Variants in CRACR2A observed in about 807,000 individuals in gnomAD.
The protein encoded by CRACR2A is EF-hand calcium-binding domain-containing protein 4B.
A neutral mutation model predicts 90.5 loss-of-function variants in CRACR2A; 79 were observed. The ratio of observed to expected loss-of-function variants is 0.87; its 90% CI spans 0.73 to 1.05. The LOEUF (loss-of-function observed/expected upper bound fraction) is 1.05. Among genes scored for constraint, CRACR2A ranks in the 50% least tolerant of loss-of-function variants. The pLI is 0.00. For missense variants in CRACR2A, 823 were observed against 897.2 expected, an observed-to-expected ratio of 0.92 and a Z score of 1.06; for synonymous variants, 338 against 356.7, an observed-to-expected ratio of 0.95 and a Z score of 0.59.
At chr12:3,643,104 T>C (rs1944603644) in intron 12 of CRACR2A, among the ~76,000 whole-genome samples, 1 of 152,174 alleles carries the variant, frequency 6.6e-6, no homozygotes, top group Non-Finnish European at 1.5e-5. Context: ...TAAAATAAAT[T>C]CAGTGTTACT....
Position 3,633,235 on chromosome 12 carries a change from C to T in CRACR2A, c.1735+369G>A, listed in dbSNP as rs1225058298. Among the ~76,000 whole-genome samples, 1 of 151,662 alleles carries T rather than the reference C, an allele frequency of 6.6e-6. No individual in the cohort carries two copies. Among genetic ancestry groups the T allele is most frequent in the Non-Finnish European group, 1.5e-5 (1 of 67,892 alleles). Reference sequence around the variant, plus strand: ...GGAGTCCTGGTCAGTTCAGGGGGAGCAGGAAGACCCAGGACCCTGCTGACA... The same window carrying T: ...GGAGTCCTGGTCAGTTCAGGGGGAGTAGGAAGACCCAGGACCCTGCTGACA... On this transcript the variant is annotated intron_variant, in intron 15 of 19. Coordinates refer to ENST00000440314, the MANE Select transcript of CRACR2A (RefSeq NM_001144958.2). The surrounding 1 kb of genome is among the most constrained non-coding windows in gnomAD (Gnocchi z 4.5).
intron 4 of CRACR2A, among the ~76,000 whole-genome samples, chr12:3,695,237 C>G (rs1267519924): frequency 6.6e-6 from 1 of 152,146 alleles, no homozygotes; most frequent in Non-Finnish European, 1.5e-5. Flanking sequence ...TAACACCAAC[C>G]ACCGCTACTG....
chr12:3,740,441 C>T (rs1946506987), intron 1 of CRACR2A, among the ~76,000 whole-genome samples: 3 of 152,068 alleles, frequency 2.0e-5, no homozygotes, highest in Non-Finnish European at 4.4e-5. Flanking sequence ...CCTGGGGTGG[C>T]GTCCTTACTC....
intron 17 of CRACR2A, among the ~76,000 whole-genome samples, chr12:3,625,923 G>A (rs961189884): frequency 6.6e-6 from 1 of 152,096 alleles, no homozygotes; most frequent in Non-Finnish European, 1.5e-5. Context: ...GTAAAAAAAA[G>A]AACAGAAGAG....
rs117492949 is a variant in CRACR2A at position 3,638,306 on chromosome 12, C to T, written c.1420G>A (p.Val474Ile). 6.5e-4 allele frequency: 1,012 copies of T among 1,551,606 alleles called. 3 individuals are homozygous for T. Among genetic ancestry groups the T allele is most frequent in the East Asian group, 4.6e-3 (189 of 40,908 alleles). The change falls in exon 14 of 20, where the codon GTT (valine) becomes ATT (isoleucine). Residue 474 changes from valine to isoleucine, a missense_variant. By Grantham distance (29) the Val-to-Ile change is conservative (BLOSUM62 3). Transcript: ENST00000440314. ...AGCTGGGGCAGGGGGTCTTCTTCAA[C>T]GGAGATGATTCTGCGGAGCGGCCGG... ...YPRPLRRIIS[V>I]EEDPLPQLLD...
intron 10 of CRACR2A, among the ~76,000 whole-genome samples, chr12:3,651,038 T>C (rs766754411): frequency 2.0e-5 from 3 of 152,136 alleles, no homozygotes; most frequent in Non-Finnish European, 4.4e-5. Flanking sequence ...AACCTAGAGG[T>C]TCTAAAAGTG....
intron 4 of CRACR2A, among the ~76,000 whole-genome samples, chr12:3,696,515 A>G (rs922753971): frequency 1.3e-5 from 2 of 152,312 alleles, no homozygotes; most frequent in Admixed American, 6.5e-5. Context: ...CGTTACTGTT[A>G]TCATTTCCCA....
rs546114875 is a variant in CRACR2A, at chr12:3,700,904, T to C, written c.-36-3869A>G. Among the ~76,000 whole-genome samples, 23 of 152,348 alleles carry C rather than the reference T, an allele frequency of 1.5e-4. No homozygotes were observed. The South Asian group carries it at 2.7e-3, about 18-fold the overall frequency. On this transcript the variant is annotated intron_variant, in intron 3 of 19. Transcript: ENST00000440314. ...AACACTCCACCCAATGACAGCTAAA[T>C]ATACTTTTCAAATACACATGGAATA...
intron 2 of CRACR2A, among the ~76,000 whole-genome samples, chr12:3,723,444 T>C (rs1375009843): frequency 6.6e-6 from 1 of 152,080 alleles, no homozygotes; most frequent in Non-Finnish European, 1.5e-5. Flanking sequence ...AGGAGGTCAG[T>C]GGTGGGGGGT....
At chr12:3,748,437 T>A (rs755150767) in intron 1 of CRACR2A, among the ~76,000 whole-genome samples, 2 of 152,138 alleles carry the variant, frequency 1.3e-5, no homozygotes, top group South Asian at 4.1e-4. Flanking sequence ...GGGAAGAAAG[T>A]GTCCCGCTGG....
At chr12:3,678,397 G>A (rs775954612) in intron 6 of CRACR2A, among the ~76,000 whole-genome samples, 2 of 152,162 alleles carry the variant, frequency 1.3e-5, no homozygotes, top group Non-Finnish European at 2.9e-5. Context: ...GGTTTGCCGA[G>A]GATACCGTGT....
At chr12:3,745,909 G>T (rs1279465982) in intron 1 of CRACR2A, among the ~76,000 whole-genome samples, 1 of 151,894 alleles carries the variant, frequency 6.6e-6, no homozygotes, top group Non-Finnish European at 1.5e-5. Context: ...ACAAAACCTG[G>T]CTGAAGGCAG....
chr12:3,733,970 C>CTTATTTT (rs1946401128), intron 1 of CRACR2A, among the ~76,000 whole-genome samples: 1 of 55,612 alleles, frequency 1.8e-5, no homozygotes, highest in Admixed American at 2.3e-4. Context: ...CACATTTTGC[C>CTTATTTT]TTATTTTTTT....
intron 4 of CRACR2A, among the ~76,000 whole-genome samples, chr12:3,691,132 G>A (rs568599587): frequency 2.0e-5 from 3 of 152,186 alleles, no homozygotes; most frequent in Admixed American, 2.0e-4. Context: ...TTTTAATTGG[G>A]GGCATTTAGC....
intron 4 of CRACR2A, among the ~76,000 whole-genome samples, chr12:3,683,213 C>G (rs1294803835): frequency 1.3e-5 from 2 of 152,208 alleles, no homozygotes; most frequent in African/African-American, 4.8e-5. Context: ...GGGAAAAGAA[C>G]TGATTTTCCA....
intron 15 of CRACR2A, among the ~76,000 whole-genome samples, chr12:3,629,363 A>T (rs1944336962): frequency 6.6e-6 from 1 of 152,172 alleles, no homozygotes; most frequent in Admixed American, 6.5e-5. Flanking sequence ...AGCAAAACAG[A>T]TTACAGTGGC....
intron 2 of CRACR2A, among the ~76,000 whole-genome samples, chr12:3,715,952 G>A (rs993754115): frequency 6.6e-6 from 1 of 152,140 alleles, no homozygotes; most frequent in Non-Finnish European, 1.5e-5. Context: ...TACAGTGGAT[G>A]CCTGATGATT....
intron 13 of CRACR2A, among the ~76,000 whole-genome samples, chr12:3,639,668 A>C (rs1269874402): frequency 6.6e-6 from 1 of 152,200 alleles, no homozygotes; most frequent in Non-Finnish European, 1.5e-5. Context: ...GAAAAAGAAA[A>C]AAAAATGCAG....
chr12:3,664,767 G>A (rs1266867776), intron 7 of CRACR2A, among the ~76,000 whole-genome samples: 3 of 152,326 alleles, frequency 2.0e-5, no homozygotes, highest in Non-Finnish European at 4.4e-5. Flanking sequence ...AGCACTTTGA[G>A]AGGCCAAGGT....
Sources: gnomAD v4.1 joint callset for allele counts (sites outside exome capture counted in the v4.1 genomes callset) on GRCh38, gnomAD v4.1.1 for gene constraint, Gnocchi (gnomAD v3.1) non-coding constraint, MANE v1.5 for transcripts, NCBI Gene and HGNC (gene_info 2026-07-23, HGNC 2026-07-21) for gene names.